Variants in CCDC178 observed in about 807,000 individuals in gnomAD.
The protein encoded by CCDC178 is coiled-coil domain containing 178.
In CCDC178, 126 loss-of-function variants were observed where a neutral mutation model predicts 117.4. The ratio of observed to expected loss-of-function variants is 1.07; its 90% CI spans 0.93 to 1.24. The LOEUF (loss-of-function observed/expected upper bound fraction) is 1.24. Ranked by LOEUF, CCDC178 falls within the 50% of genes most tolerant of loss-of-function variation. CCDC178 has a pLI of 0.00. For synonymous variants in CCDC178, 283 were observed against 313.4 expected (o/e 0.90, Z 1.02); for missense variants, 1,030 against 986.9 (o/e 1.04, Z -0.59).
intron 21 of CCDC178, among the ~76,000 whole-genome samples, chr18:33,077,376 G>A (rs917356722): frequency 9.2e-5 from 14 of 152,104 alleles, no homozygotes; most frequent in Non-Finnish European, 1.6e-4. Flanking sequence ...CAAGTAGCCT[G>A]TAACATGACC....
At chr18:33,248,914 C>T (rs2059583149) in intron 14 of CCDC178, among the ~76,000 whole-genome samples, 1 of 152,100 alleles carries the variant, frequency 6.6e-6, no homozygotes, top group Non-Finnish European at 1.5e-5. Flanking sequence ...TTCTCCACAT[C>T]CTCCCCAGCA....
At chr18:33,245,595 T>C (rs2059540781) in intron 14 of CCDC178, among the ~76,000 whole-genome samples, 167 bp from the exon 15 acceptor site, 1 of 151,902 alleles carries the variant, frequency 6.6e-6, no homozygotes, top group African/African-American at 2.4e-5. Context: ...ACTCCATTTA[T>C]TCTGCTGCTT....
At chr18:33,256,152 T>C (rs1192353788) in intron 14 of CCDC178, among the ~76,000 whole-genome samples, 1 of 151,908 alleles carries the variant, frequency 6.6e-6, no homozygotes, top group Non-Finnish European at 1.5e-5. Flanking sequence ...CTAGCAAATA[T>C]TGCTAACTAT....
chr18:33,392,695 T>C (rs1403066090), intron 4 of CCDC178, among the ~76,000 whole-genome samples: 1 of 151,884 alleles, frequency 6.6e-6, no homozygotes, highest in Admixed American at 6.6e-5. Context: ...AAAAGAAGAA[T>C]TAAAAATATA....
chr18:33,420,366 A>G (rs925427306), intron 2 of CCDC178, among the ~76,000 whole-genome samples: 1 of 151,720 alleles, frequency 6.6e-6, no homozygotes, highest in African/African-American at 2.4e-5. Flanking sequence ...TATTATTATT[A>G]TTTTTTTTAC....
intron 19 of CCDC178, among the ~76,000 whole-genome samples, chr18:33,212,393 A>T (rs1187806742): frequency 6.6e-6 from 1 of 152,014 alleles, no homozygotes; most frequent in Non-Finnish European, 1.5e-5. Flanking sequence ...GCGAGAAGCT[A>T]TATTAAGATA....
In CCDC178 at chr18:33,215,707, T is replaced by C; in HGVS notation, c.1933-12A>G. ...GCTGAGCGTTTACTCTGAAAAAAAA[T>C]ATACACAAGTGTTTATTTTAAATAC... is the stretch of plus-strand genomic sequence containing the variant. On this transcript the variant is annotated splice_polypyrimidine_tract_variant and intron_variant, in intron 18 of 22. Coordinates refer to ENST00000383096, the MANE Select transcript of CCDC178 (RefSeq NM_001105528.4). 6.8e-7 allele frequency: 1 copy of C among 1,479,770 alleles called. No homozygotes were observed. The allele number at this position is 1,479,770 out of a possible 1,614,324, so 91.7% of individuals were successfully genotyped here.
At chr18:33,025,491 C>T (rs1037475064) in intron 21 of CCDC178, among the ~76,000 whole-genome samples, 1 of 151,930 alleles carries the variant, frequency 6.6e-6, no homozygotes, top group African/African-American at 2.4e-5. Flanking sequence ...ATTTGTAAGT[C>T]ACTCACCTGA....
chr18:33,284,515 A>G (rs1263985220), intron 12 of CCDC178, among the ~76,000 whole-genome samples: 2 of 152,212 alleles, frequency 1.3e-5, no homozygotes, highest in African/African-American at 4.8e-5. Flanking sequence ...TAATATCATT[A>G]TTCATATATA....
At chr18:33,439,914 C>T (rs1482418815) in intron 2 of CCDC178, 48 bp downstream of exon 2, 1 of 152,170 alleles carries the variant, frequency 6.6e-6, no homozygotes, top group African/African-American at 2.4e-5. Context: ...ATTGCTGGAT[C>T]TGACTTTTGT....
intron 14 of CCDC178, among the ~76,000 whole-genome samples, chr18:33,265,486 G>C (rs1451726722): frequency 1.3e-5 from 2 of 151,998 alleles, no homozygotes; most frequent in Non-Finnish European, 2.9e-5. Context: ...TTAAGGATAA[G>C]TGGCAATTAG....
rs1271448521 is a variant in CCDC178 at position 33,314,084 on chromosome 18, C to G, written c.1022+9407G>C. Among the ~76,000 whole-genome samples, 9 of 149,152 alleles carry G rather than the reference C, an allele frequency of 6.0e-5. No individual in the cohort carries two copies. In the East Asian group the frequency reaches 1.8e-3, roughly 29 times the overall value. On this transcript the variant is annotated intron_variant, in intron 11 of 22. Transcript: ENST00000383096. ...GGCGTAGTGGCGGGCGCCTGTAATC[C>G]CAGCTACTTGGGAGGCTGAGGCAGG...
intron 3 of CCDC178, among the ~76,000 whole-genome samples, chr18:33,407,936 C>T (rs980880050): frequency 5.3e-5 from 8 of 151,538 alleles, no homozygotes; most frequent in African/African-American, 1.5e-4. Flanking sequence ...ACCCTCATTA[C>T]CAAAACAAGA....
At chr18:33,152,147 T>C (rs571231830) in intron 20 of CCDC178, among the ~76,000 whole-genome samples, 1 of 152,134 alleles carries the variant, frequency 6.6e-6, no homozygotes, top group East Asian at 1.9e-4. Context: ...GAGATAAATA[T>C]ATACAATGAT....
At chr18:33,201,812 C>G (rs1598994201) in intron 20 of CCDC178, among the ~76,000 whole-genome samples, 4 of 152,118 alleles carry the variant, frequency 2.6e-5, no homozygotes, top group South Asian at 2.1e-4. Flanking sequence ...TCTAGTGCCC[C>G]CTATTGGCAA....
rs867224775 is a variant in CCDC178 at position 33,284,283 on chromosome 18, T to A, written c.1176+8876A>T. 7.2e-5 allele frequency among the ~76,000 whole-genome samples: 11 copies of A among 151,986 alleles called. No homozygotes were observed. In the South Asian group the frequency reaches 8.3e-4, roughly 11 times the overall value. Reference sequence around the variant, plus strand: ...GTGGAGAGTGGGAGGAGGGAGAGGATCAGGAAAAATAACTAATGGGTACCT... The same window carrying A: ...GTGGAGAGTGGGAGGAGGGAGAGGAACAGGAAAAATAACTAATGGGTACCT... On this transcript the variant is annotated intron_variant, in intron 12 of 22. Transcript: ENST00000383096.
intron 9 of CCDC178, among the ~76,000 whole-genome samples, chr18:33,334,095 T>C (rs1201910839): frequency 1.3e-5 from 2 of 152,068 alleles, no homozygotes; most frequent in Non-Finnish European, 2.9e-5. Flanking sequence ...GTGATTATTA[T>C]TTTCTTATAG....
intron 20 of CCDC178, among the ~76,000 whole-genome samples, chr18:33,173,144 G>A (rs903991647): frequency 3.3e-5 from 5 of 152,054 alleles, no homozygotes; most frequent in East Asian, 1.9e-4. Flanking sequence ...CTTCCTCCTG[G>A]GCTGAAGTAA....
chr18:33,250,119 A>G (rs2059602474), intron 14 of CCDC178, among the ~76,000 whole-genome samples: 1 of 151,838 alleles, frequency 6.6e-6, no homozygotes, highest in Non-Finnish European at 1.5e-5. Context: ...GTGAACAAAA[A>G]GGATAAACAA....
Sources: gnomAD v4.1 joint callset for allele counts (sites outside exome capture counted in the v4.1 genomes callset) on GRCh38, gnomAD v4.1.1 for gene constraint, MANE v1.5 for transcripts, NCBI Gene and HGNC (gene_info 2026-07-23, HGNC 2026-07-21) for gene names.